Variants in ACTR3C observed in about 807,000 individuals in gnomAD.
ACTR3C encodes actin-related protein 3C.
ACTR3C carries 18 observed loss-of-function variants against 26.3 expected under a neutral mutation model. The ratio of observed to expected loss-of-function variants is 0.68; its 90% CI spans 0.47 to 1.01. The LOEUF (loss-of-function observed/expected upper bound fraction) is 1.01, where lower values mean the gene tolerates loss of function less well. Ranked by LOEUF, ACTR3C falls within the 50% of genes least tolerant of loss-of-function variation. ACTR3C has a pLI of 0.00. For synonymous variants in ACTR3C, 55 were observed against 94.5 expected (o/e 0.58, Z 2.42); for missense variants, 184 against 250.7 (o/e 0.73, Z 1.80).
chr7:150,292,500 ATTTTT>A (rs571206179), intron 3 of ACTR3C, among the ~76,000 whole-genome samples: 1 of 138,236 alleles, frequency 7.2e-6, no homozygotes, highest in African/African-American at 2.8e-5. Flanking sequence ...TGGCTTTTAA[ATTTTT>A]TTTTTTTTTT....
At chr7:150,308,759 T>C (rs1294845934) in intron 1 of ACTR3C, among the ~76,000 whole-genome samples, 1 of 152,172 alleles carries the variant, frequency 6.6e-6, no homozygotes, top group Non-Finnish European at 1.5e-5. Flanking sequence ...CAGTCTGGCT[T>C]ACAGTTTCAT....
chr7:150,217,120 T>C, the ACTR3C span, among the ~76,000 whole-genome samples: 2 of 147,052 alleles, frequency 1.4e-5, no homozygotes. Flanking sequence ...CCTCATCTTG[T>C]GTGGCAGGTC....
chr7:150,022,234 T>G, the ACTR3C span, among the ~76,000 whole-genome samples: 1 of 151,412 alleles, frequency 6.6e-6, no homozygotes, highest in East Asian at 1.9e-4. Flanking sequence ...GTTGAGCATT[T>G]TTTCATATGT....
At chr7:150,011,223 T>C in the ACTR3C span, among the ~76,000 whole-genome samples, 75 of 152,262 alleles carry the variant, frequency 4.9e-4, no homozygotes, top group African/African-American at 1.8e-3. Context: ...TGTCTCTATC[T>C]CTAAATAACC....
At chr7:149,967,256 C>T in the ACTR3C span, among the ~76,000 whole-genome samples, 138 of 151,876 alleles carry the variant, frequency 9.1e-4, no homozygotes, top group African/African-American at 3.1e-3. Context: ...AGGATGGTCT[C>T]GATCTCCTGA....
the ACTR3C span, among the ~76,000 whole-genome samples, chr7:150,150,904 A>G: frequency 1.5e-5 from 2 of 137,368 alleles, no homozygotes; most frequent in South Asian, 2.9e-4. Context: ...CATCTTCACT[A>G]TGTATTTTGC....
chr7:150,235,398 G>T, the ACTR3C span, among the ~76,000 whole-genome samples: 1 of 152,108 alleles, frequency 6.6e-6, no homozygotes. Context: ...CTCTCCTTCT[G>T]GACACCTGCG....
the ACTR3C span, among the ~76,000 whole-genome samples, chr7:150,086,096 G>T: frequency 2.0e-5 from 3 of 151,870 alleles, no homozygotes; most frequent in African/African-American, 4.8e-5. Flanking sequence ...CGATTCTCGT[G>T]CCTCAGCCTC....
the ACTR3C span, among the ~76,000 whole-genome samples, chr7:150,182,442 TAAGA>T: frequency 3.3e-5 from 5 of 150,786 alleles, no homozygotes; most frequent in Non-Finnish European, 7.4e-5. Flanking sequence ...ATATTGCAAA[TAAGA>T]AAAAATTTGT....
At chr7:149,954,332 T>G in the ACTR3C span, among the ~76,000 whole-genome samples, 1 of 152,200 alleles carries the variant, frequency 6.6e-6, no homozygotes, top group Non-Finnish European at 1.5e-5. Flanking sequence ...AACTGTATCT[T>G]AAAGATAGGA....
At chr7:150,034,600 T>G in the ACTR3C span, among the ~76,000 whole-genome samples, 1 of 151,670 alleles carries the variant, frequency 6.6e-6, no homozygotes, top group East Asian at 1.9e-4. Context: ...TCCGGTAGAT[T>G]GCAAATAACC....
chr7:149,936,638 A>G, the ACTR3C span, among the ~76,000 whole-genome samples: 1 of 152,214 alleles, frequency 6.6e-6, no homozygotes, highest in African/African-American at 2.4e-5. Context: ...GGCTCCATTT[A>G]TACATGATAC....
At chr7:150,162,035 AAAC>A in the ACTR3C span, among the ~76,000 whole-genome samples, 8 of 152,370 alleles carry the variant, frequency 5.3e-5, no homozygotes, top group African/African-American at 1.9e-4. Flanking sequence ...AACAAGAAAG[AAAC>A]AACATTTTGG....
chr7:150,139,422 C>A, the ACTR3C span, among the ~76,000 whole-genome samples: 1 of 152,244 alleles, frequency 6.6e-6, no homozygotes, highest in Non-Finnish European at 1.5e-5. Flanking sequence ...AGGCAGCTGG[C>A]ATGAGGCTTG....
chr7:149,996,227 G>A, the ACTR3C span, among the ~76,000 whole-genome samples: 5 of 152,102 alleles, frequency 3.3e-5, no homozygotes, highest in South Asian at 2.1e-4. Context: ...AAGGGACGGA[G>A]TAAAGGAGGG....
At chr7:149,944,690 C>G in the ACTR3C span, among the ~76,000 whole-genome samples, 2 of 151,900 alleles carry the variant, frequency 1.3e-5, no homozygotes, top group African/African-American at 4.9e-5. Flanking sequence ...TTCACCTGCT[C>G]TCTTCCATGT....
the ACTR3C span, among the ~76,000 whole-genome samples, chr7:149,892,617 G>T: frequency 9.2e-6 from 1 of 108,226 alleles, no homozygotes; most frequent in Admixed American, 1.0e-4. Flanking sequence ...TGGGACAAAG[G>T]AAATGAGCTG....
At chr7:150,053,578 C>T in the ACTR3C span, among the ~76,000 whole-genome samples, 2 of 152,260 alleles carry the variant, frequency 1.3e-5, no homozygotes, top group African/African-American at 4.8e-5. Flanking sequence ...AGGGCTTACA[C>T]TGTCTTCTGG....
the ACTR3C span, among the ~76,000 whole-genome samples, chr7:150,064,264 G>A: frequency 1.4e-5 from 2 of 146,908 alleles, no homozygotes; most frequent in African/African-American, 5.1e-5. Context: ...TCTAACTGGA[G>A]AAAGTAGAGG....
Sources: allele counts gnomAD v4.1 joint callset (sites outside exome capture counted in the v4.1 genomes callset), GRCh38; gene constraint gnomAD v4.1.1; transcripts MANE v1.5; gene names NCBI Gene and HGNC (gene_info 2026-07-23, HGNC 2026-07-21).